Variants in KCNH7 observed in about 807,000 individuals in gnomAD.
KCNH7 encodes the protein potassium voltage-gated channel subfamily H member 7.
A neutral mutation model predicts 120.8 loss-of-function variants in KCNH7; 49 were observed. The observed-to-expected ratio is 0.41, with a 90% CI of 0.32 to 0.51. The LOEUF is 0.51. Among genes scored for constraint, KCNH7 ranks in the 20% least tolerant of loss-of-function variants. KCNH7 has a pLI of 0.38. For synonymous variants in KCNH7, 547 were observed against 516.1 expected (o/e 1.06, Z -0.81); for missense variants, 1,097 against 1,446.6 (o/e 0.76, Z 3.92).
chr2:162,727,893 A>G (rs1687585200), intron 2 of KCNH7, among the ~76,000 whole-genome samples: 1 of 152,152 alleles, frequency 6.6e-6, no homozygotes, highest in African/African-American at 2.4e-5. Context: ...TTTTAGCACC[A>G]ATGTATGAAA....
intron 9 of KCNH7, among the ~76,000 whole-genome samples, chr2:162,416,991 C>A (rs1013918859): frequency 6.6e-6 from 1 of 152,090 alleles, no homozygotes. Flanking sequence ...ATCTAAATTT[C>A]TTGAGCTATT....
At chr2:162,457,509 G>T (rs533942974) in intron 6 of KCNH7, among the ~76,000 whole-genome samples, 1 of 152,088 alleles carries the variant, frequency 6.6e-6, no homozygotes, top group Admixed American at 6.6e-5. Flanking sequence ...ACCTCTAACA[G>T]TTAAGTGTTA....
chr2:162,566,881 T>C (rs1198536528), intron 2 of KCNH7, among the ~76,000 whole-genome samples: 1 of 152,020 alleles, frequency 6.6e-6, no homozygotes, highest in Non-Finnish European at 1.5e-5. Flanking sequence ...TGGGTGATTG[T>C]CAGTCGAGCC....
chr2:162,385,778 G>A (rs1452049022), intron 12 of KCNH7, among the ~76,000 whole-genome samples: 1 of 151,824 alleles, frequency 6.6e-6, no homozygotes, highest in African/African-American at 2.4e-5. Context: ...TGAAGACAGT[G>A]TCTCCATCCA....
intron 3 of KCNH7, among the ~76,000 whole-genome samples, chr2:162,531,395 C>T (rs551108274): frequency 6.6e-6 from 1 of 151,952 alleles, no homozygotes; most frequent in East Asian, 2.0e-4. Context: ...TTTGATGGAC[C>T]ATGAAAGACA....
chr2:162,569,859 C>T (rs1693400782), intron 2 of KCNH7, among the ~76,000 whole-genome samples: 1 of 116,458 alleles, frequency 8.6e-6, no homozygotes, highest in African/African-American at 3.7e-5. Flanking sequence ...ATTCTTAATC[C>T]TGAGTTCTAG....
intron 2 of KCNH7, among the ~76,000 whole-genome samples, chr2:162,791,533 C>CT (rs751039939): frequency 2.2e-4 from 33 of 151,976 alleles, no homozygotes; most frequent in Non-Finnish European, 3.5e-4. Flanking sequence ...GTATTTTATT[C>CT]TTTTTGTGGC....
At chr2:162,612,540 T>G (rs1683004264) in intron 2 of KCNH7, among the ~76,000 whole-genome samples, 1 of 152,126 alleles carries the variant, frequency 6.6e-6, no homozygotes, top group Non-Finnish European at 1.5e-5. Flanking sequence ...TAATTGATAT[T>G]GATTGATACT....
chr2:162,602,873 C>G (rs560047345), intron 2 of KCNH7, among the ~76,000 whole-genome samples: 1 of 149,386 alleles, frequency 6.7e-6, no homozygotes, highest in Non-Finnish European at 1.5e-5. Flanking sequence ...GTCAGTCTTT[C>G]AGAATTAAGA....
intron 2 of KCNH7, among the ~76,000 whole-genome samples, chr2:162,663,444 A>C (rs1685036482): frequency 6.6e-6 from 1 of 152,172 alleles, no homozygotes; most frequent in Non-Finnish European, 1.5e-5. Flanking sequence ...CAATAAATTC[A>C]AGTTGAATTT....
At chr2:162,600,444 C>A (rs572122045) in intron 2 of KCNH7, among the ~76,000 whole-genome samples, 1 of 152,116 alleles carries the variant, frequency 6.6e-6, no homozygotes, top group Admixed American at 6.6e-5. Context: ...TTGTCTCTGC[C>A]AGTTTTACAG....
chr2:162,757,810 A>C (rs1443439762), intron 2 of KCNH7, among the ~76,000 whole-genome samples: 1 of 152,120 alleles, frequency 6.6e-6, no homozygotes, highest in Admixed American at 6.6e-5. Flanking sequence ...TCTTAGGACA[A>C]TTATGGTCAA....
At chr2:162,832,538 C>T (rs1258617185) in intron 2 of KCNH7, among the ~76,000 whole-genome samples, 5 of 152,032 alleles carry the variant, frequency 3.3e-5, no homozygotes, top group Non-Finnish European at 7.4e-5. Flanking sequence ...CAATTAACAA[C>T]CCCATAGTCC....
chr2:162,754,635 A>T (rs1418163209), intron 2 of KCNH7, among the ~76,000 whole-genome samples: 2 of 152,186 alleles, frequency 1.3e-5, no homozygotes, highest in Non-Finnish European at 2.9e-5. Context: ...CAAGTCCAGG[A>T]AAAGAAACTT....
At chr2:162,509,166 C>A (rs188700317) in intron 5 of KCNH7, among the ~76,000 whole-genome samples, 46 of 151,454 alleles carry the variant, frequency 3.0e-4, no homozygotes, top group African/African-American at 1.0e-3. Context: ...GAGGCTAAAG[C>A]AACAACTGGG....
chr2:162,596,857 G>A (rs1694396611), intron 2 of KCNH7, among the ~76,000 whole-genome samples: 1 of 151,906 alleles, frequency 6.6e-6, no homozygotes, highest in Non-Finnish European at 1.5e-5. Context: ...CAACTCAACA[G>A]CAAGAAAACA....
intron 5 of KCNH7, among the ~76,000 whole-genome samples, chr2:162,511,657 T>G (rs1166213551): frequency 6.6e-6 from 1 of 151,762 alleles, no homozygotes; most frequent in Non-Finnish European, 1.5e-5. Flanking sequence ...CCAAACATTT[T>G]TGCTCCCTAG....
intron 2 of KCNH7, among the ~76,000 whole-genome samples, chr2:162,701,254 G>A (rs1423367350): frequency 6.6e-6 from 1 of 152,060 alleles, no homozygotes; most frequent in African/African-American, 2.4e-5. Flanking sequence ...TATCCAGTGT[G>A]AAATATTTTT....
At chr2:162,568,810 T>C (rs887033862) in intron 2 of KCNH7, among the ~76,000 whole-genome samples, 1 of 152,088 alleles carries the variant, frequency 6.6e-6, no homozygotes, top group Non-Finnish European at 1.5e-5. Context: ...AGATATTGCA[T>C]GTATAACATA....
Sources: allele counts gnomAD v4.1 joint callset (sites outside exome capture counted in the v4.1 genomes callset), GRCh38; gene constraint gnomAD v4.1.1; transcripts MANE v1.5; gene names NCBI Gene and HGNC (gene_info 2026-07-23, HGNC 2026-07-21).